The following PCDHA8 variants were observed in gnomAD, a reference collection of about 807,000 sequenced individuals.
PCDHA8 encodes protocadherin alpha 8, also known as protocadherin alpha-8.
A neutral mutation model predicts 61.8 loss-of-function variants in PCDHA8; 53 were observed. That is an observed-to-expected ratio of 0.86 (90% CI 0.69 to 1.08). The LOEUF is 1.08. Among genes scored for constraint, PCDHA8 ranks in the 50% least tolerant of loss-of-function variants. The probability of loss-of-function intolerance (pLI) is 0.00; values close to 1 mark genes in which losing one functional copy is unlikely to be tolerated. For synonymous variants in PCDHA8, 618 were observed against 556.6 expected, an observed-to-expected ratio of 1.11 and a Z score of -1.55; for missense variants, 1,293 against 1,245.0, an observed-to-expected ratio of 1.04 and a Z score of -0.58.
In PCDHA8 at chr5:140,877,219, C is replaced by T. The variant is rs200698690; in HGVS notation, c.2394+33504C>T. 9 of 1,613,720 alleles carry T rather than the reference C, an allele frequency of 5.6e-6. No homozygotes were observed. Among genetic ancestry groups the T allele is most frequent in the East Asian group, 4.5e-5 (2 of 44,860 alleles). Reference sequence around the variant, plus strand: ...AGGCGCAGTTAGCGAGTTGGTACCGCGGTCGGTGGGTGCGGGCCACGTGGT... The same window carrying T: ...AGGCGCAGTTAGCGAGTTGGTACCGTGGTCGGTGGGTGCGGGCCACGTGGT... On this transcript the variant is annotated intron_variant, in intron 1 of 3. Transcript: ENST00000531613.
chr5:140,857,329 G>T (rs781793178), intron 1 of PCDHA8: 1 of 1,598,568 alleles, frequency 6.3e-7, no homozygotes. Context: ...TGACCGCGCG[G>T]GACGGGGGCT....
chr5:140,972,398 A>G (rs2096535021), intron 1 of PCDHA8, among the ~76,000 whole-genome samples: 1 of 151,358 alleles, frequency 6.6e-6, no homozygotes, highest in Non-Finnish European at 1.5e-5. Flanking sequence ...TTGCTTCACT[A>G]TTGGCAAACC....
In PCDHA8 at chr5:140,882,158, C is replaced by T. The variant is rs2058980027; in HGVS notation, c.2394+38443C>T. ...GAAAATATAGCAGAAAGCGGAATAC[C>T]TCTTGCGAATCCTTCCGCACTAGGA... On this transcript the variant is annotated intron_variant, in intron 1 of 3. Coordinates refer to ENST00000531613, the MANE Select transcript of PCDHA8 (RefSeq NM_018911.3). The T allele has an allele frequency of 4.6e-6, 7 of 1,507,380 alleles. No homozygotes were observed. The South Asian group carries it at 8.2e-5, about 18-fold the overall frequency. 93.4% of individuals were successfully genotyped at this position (1,507,380 alleles called of 1,614,324 possible). A position where few individuals can be genotyped will look rare whatever the true frequency, so the allele number is the denominator to read the frequency against.
chr5:140,869,250 G>C (rs371660992), intron 1 of PCDHA8: 4 of 1,613,636 alleles, frequency 2.5e-6, no homozygotes, highest in East Asian at 2.2e-5. Flanking sequence ...GCCGCATCGC[G>C]CAGGACCTGG....
In PCDHA8 at chr5:140,857,175, A is replaced by T. The variant is rs149086377; in HGVS notation, c.2394+13460A>T. 3 of 1,598,452 alleles carry T rather than the reference A, an allele frequency of 1.9e-6. 1 individual carries two copies. Among genetic ancestry groups the T allele is most frequent in the Non-Finnish European group, 2.6e-6 (3 of 1,167,876 alleles). On this transcript the variant is annotated intron_variant, in intron 1 of 3. Transcript: ENST00000531613. Reference sequence around the variant, plus strand: ...ATTGCCCTAATCAGCGTTTCTGACCATGATTCAGGAGCCAACGGACAGGTC... The same window carrying T: ...ATTGCCCTAATCAGCGTTTCTGACCTTGATTCAGGAGCCAACGGACAGGTC...
chr5:140,875,452 C>CA, intron 1 of PCDHA8: 1 of 1,592,570 alleles, frequency 6.3e-7, no homozygotes, highest in Non-Finnish European at 8.6e-7. Context: ...TGTCCCAACT[C>CA]AGAGGCCCTC....
At chr5:140,888,649 A>G (rs1554183557) in intron 1 of PCDHA8, among the ~76,000 whole-genome samples, 1 of 152,210 alleles carries the variant, frequency 6.6e-6, no homozygotes, top group African/African-American at 2.4e-5. Flanking sequence ...TACTTTCCTG[A>G]GGACACCACC....
chr5:140,903,290 G>A (rs1554190896), intron 1 of PCDHA8, among the ~76,000 whole-genome samples: 3 of 152,016 alleles, frequency 2.0e-5, no homozygotes, highest in African/African-American at 7.3e-5. Flanking sequence ...TTGTGCATTA[G>A]GAAATTTAGT....
At chr5:140,847,318 A>G (rs1054415960) in intron 1 of PCDHA8, 1 of 149,914 alleles carries the variant, frequency 6.7e-6, no homozygotes, top group Admixed American at 6.7e-5. Context: ...CAAGGACAGA[A>G]GCAATTGTTA....
At chr5:140,967,306 C>G (rs1554229415) in intron 1 of PCDHA8, 2 of 1,612,350 alleles carry the variant, frequency 1.2e-6, no homozygotes, top group African/African-American at 2.7e-5. Flanking sequence ...TGGGCGCCAA[C>G]TCAGTACAGA....
intron 3 of PCDHA8, among the ~76,000 whole-genome samples, chr5:140,998,072 C>T (rs1554256158): frequency 6.6e-6 from 1 of 152,168 alleles, no homozygotes; most frequent in African/African-American, 2.4e-5. Context: ...CAGACTTAGC[C>T]TCTGCAGTTG....
chr5:140,877,793 C>T, intron 1 of PCDHA8: 1 of 1,613,948 alleles, frequency 6.2e-7, no homozygotes, highest in Non-Finnish European at 8.5e-7. Flanking sequence ...GCCTTCAGCC[C>T]AAGCCTTCAG....
Position 140,843,129 on chromosome 5 carries a change from A to G in PCDHA8, c.1808A>G (p.Tyr603Cys), listed in dbSNP as rs2150353513. 1 of 1,596,008 alleles carries G rather than the reference A, an allele frequency of 6.3e-7. No individual in the cohort carries two copies. Among genetic ancestry groups the G allele is most frequent in the Non-Finnish European group, 8.6e-7 (1 of 1,165,600 alleles). Reference protein sequence around the residue: ...KVRAVDADSGYNAWLSYELQP... With the variant: ...KVRAVDADSGCNAWLSYELQP... The stretch of plus-strand genomic sequence containing the variant: ...CGCGCAGTGGACGCCGACTCGGGCT[A>G]CAACGCGTGGCTTTCGTATGAGCTG... The change falls in exon 1 of 4, where the codon TAC (tyrosine) becomes TGC (cysteine). Residue 603 changes from tyrosine (Y) to cysteine (C), a missense_variant. Transcript: ENST00000531613.
chr5:140,878,727 C>A (rs1329578817), intron 1 of PCDHA8, among the ~76,000 whole-genome samples: 2 of 152,186 alleles, frequency 1.3e-5, no homozygotes, highest in Non-Finnish European at 2.9e-5. Context: ...AAATTTCCAG[C>A]CTTATATCTA....
intron 1 of PCDHA8, among the ~76,000 whole-genome samples, chr5:140,916,163 C>T (rs546851152): frequency 4.6e-5 from 7 of 152,184 alleles, no homozygotes; most frequent in Admixed American, 1.3e-4. Context: ...TGAATGCTGC[C>T]AGGCCTGGGA....
chr5:140,982,582 T>C lies in PCDHA8; in HGVS notation c.2542+19T>C. On this transcript the variant is annotated intron_variant, in intron 3 of 3. Transcript: ENST00000531613. ...ACACCAGGTAAAGAGCTGGGGTCTC[T>C]CCATTCTTTCTTGGTTTCTGGAAAG... 6.2e-7 allele frequency: 1 copy of C among 1,612,148 alleles called. No homozygotes were observed. Among genetic ancestry groups the C allele is most frequent in the Non-Finnish European group, 8.5e-7 (1 of 1,178,720 alleles).
intron 1 of PCDHA8, chr5:140,968,736 A>G (rs1047961532): frequency 3.1e-6 from 5 of 1,614,098 alleles, no homozygotes; most frequent in East Asian, 2.2e-5. Context: ...AGCACTTTCA[A>G]CCTGACCGTG....
Position 140,993,501 on chromosome 5 carries a change from C to T in PCDHA8, c.2542+10938C>T, listed in dbSNP as rs560043353. Among the ~76,000 whole-genome samples, 25 of 149,100 alleles carry T rather than the reference C, an allele frequency of 1.7e-4. No homozygotes were observed. The East Asian group carries it at 3.5e-3, about 21-fold the overall frequency. ...ACACACACACACACACACACACACA[C>T]ACACACACGGGGAGAGAGAGACAGA... On this transcript the variant is annotated intron_variant, in intron 3 of 3. Transcript: ENST00000531613.
chr5:140,956,749 G>A (rs1179471294), intron 1 of PCDHA8, among the ~76,000 whole-genome samples: 5 of 152,144 alleles, frequency 3.3e-5, no homozygotes, highest in African/African-American at 1.2e-4. Context: ...ACCTCTGATA[G>A]AATTCAGCTG....
Sources: allele counts gnomAD v4.1 joint callset (sites outside exome capture counted in the v4.1 genomes callset), GRCh38; gene constraint gnomAD v4.1.1; transcripts MANE v1.5; gene names NCBI Gene and HGNC (gene_info 2026-07-23, HGNC 2026-07-21).